Variants in IDE observed in about 807,000 individuals in gnomAD.
IDE encodes the protein insulin degrading enzyme.
In IDE, 58 loss-of-function variants were observed where a neutral mutation model predicts 133.2. The observed-to-expected ratio is 0.44, with a 90% CI of 0.35 to 0.54. The LOEUF (loss-of-function observed/expected upper bound fraction) is 0.54. IDE is among the 20% of genes least tolerant of loss of function. IDE has a pLI of 0.00. For missense variants in IDE, 981 were observed against 1,234.0 expected (o/e 0.79, Z 3.07); for synonymous variants, 396 against 421.3 (o/e 0.94, Z 0.73).
chr10:92,461,323 A>G (rs1056592053), intron 21 of IDE, 71 bp from the exon 22 acceptor site: 1 of 740,374 alleles, frequency 1.4e-6, no homozygotes, highest in Non-Finnish European at 2.4e-6. Flanking sequence ...ACACTAAATG[A>G]CAATATACTT....
intron 20 of IDE, among the ~76,000 whole-genome samples, chr10:92,464,438 A>C (rs936323671): frequency 2.6e-5 from 4 of 152,166 alleles, no homozygotes; most frequent in African/African-American, 7.2e-5. Context: ...TTGTTAGATA[A>C]TCCATTCCTG....
intron 1 of IDE, among the ~76,000 whole-genome samples, chr10:92,561,504 C>T (rs1238551874): frequency 6.6e-6 from 1 of 151,228 alleles, no homozygotes; most frequent in Non-Finnish European, 1.5e-5. Flanking sequence ...GTAATCCCAG[C>T]CCTTTGGGAG....
intron 1 of IDE, among the ~76,000 whole-genome samples, chr10:92,539,209 CCT>C (rs1189111955): frequency 6.6e-6 from 1 of 151,486 alleles, no homozygotes; most frequent in Non-Finnish European, 1.5e-5. Flanking sequence ...TTTCTCTCGC[CCT>C]CTCTTACAGT....
chr10:92,553,378 T>G (rs186207419), intron 1 of IDE, among the ~76,000 whole-genome samples: 1,935 of 150,688 alleles, frequency 0.013, 48 homozygotes, highest in African/African-American at 0.044. Context: ...GAGCCAAGAC[T>G]ATGCCACTGC....
At chr10:92,534,833 G>T in intron 2 of IDE, 48 bp from the exon 3 acceptor site, 1 of 1,398,898 alleles carries the variant, frequency 7.1e-7, no homozygotes, top group Non-Finnish European at 1.0e-6. Flanking sequence ...TATGCTGAAA[G>T]TTAGTAAGTA....
chr10:92,475,839 G>T, intron 16 of IDE, 45 bp downstream of exon 16: 3 of 686,746 alleles, frequency 4.4e-6, no homozygotes, highest in Admixed American at 3.0e-5. Context: ...TTATAATATA[G>T]CAATATTATC....
At chr10:92,471,249 G>C (rs755177687) in intron 17 of IDE, among the ~76,000 whole-genome samples, 3 of 151,878 alleles carry the variant, frequency 2.0e-5, no homozygotes, top group Non-Finnish European at 2.9e-5. Flanking sequence ...TCTCCATTAG[G>C]ACACCATAGT....
At chr10:92,573,117 C>A in intron 1 of IDE, 1 of 985,400 alleles carries the variant, frequency 1.0e-6, no homozygotes, top group Non-Finnish European at 1.2e-6. Context: ...TTCTTCCATT[C>A]GTAGTAAAAA....
chr10:92,525,878 T>C (rs1849599222), intron 4 of IDE, among the ~76,000 whole-genome samples: 1 of 151,694 alleles, frequency 6.6e-6, no homozygotes, highest in Admixed American at 6.6e-5. Flanking sequence ...GATCTCAGGC[T>C]GGGCGCAGTG....
intron 1 of IDE, among the ~76,000 whole-genome samples, chr10:92,564,712 T>TAAAAAAAAA (rs1843445355): frequency 3.4e-5 from 2 of 59,044 alleles, no homozygotes; most frequent in Admixed American, 1.8e-4. Context: ...AAAAAAAAAC[T>TAAAAAAAAA]GAAACTGTAC....
chr10:92,510,645 T>C (rs1393731826), intron 5 of IDE, among the ~76,000 whole-genome samples: 1 of 151,394 alleles, frequency 6.6e-6, no homozygotes, highest in African/African-American at 2.4e-5. Flanking sequence ...ATATATCACA[T>C]ATATGATATA....
chr10:92,531,919 TA>T lies in IDE; in HGVS notation c.492-3del. 2 of 1,523,918 alleles carry T rather than the reference TA, an allele frequency of 1.3e-6. No individual in the cohort carries two copies. The allele number at this position is 1,523,918 out of a possible 1,614,324, so 94.4% of individuals were successfully genotyped here. A position where few individuals can be genotyped will look rare whatever the true frequency, so the allele number is the denominator to read the frequency against. On this transcript the variant is annotated splice_region_variant and splice_polypyrimidine_tract_variant and intron_variant, in intron 3 of 24. Coordinates refer to ENST00000265986, the MANE Select transcript of IDE (RefSeq NM_004969.4). ...GGGCACAGAAAAAACTGTGCAAACC[TA>T]AGGGTACGAAACATAATTAAAACTT...
chr10:92,526,876 G>A (rs1197867805), intron 4 of IDE, among the ~76,000 whole-genome samples: 2 of 150,746 alleles, frequency 1.3e-5, no homozygotes, highest in African/African-American at 4.9e-5. Flanking sequence ...AAAAGGACAG[G>A]GTCTCACTAT....
intron 1 of IDE, chr10:92,554,691 T>C (rs1024884332): frequency 2.6e-5 from 4 of 151,546 alleles, no homozygotes; most frequent in African/African-American, 9.7e-5. Flanking sequence ...CTACTAAAAA[T>C]ACAAAATTAG....
intron 4 of IDE, among the ~76,000 whole-genome samples, chr10:92,524,050 G>C (rs1341873474): frequency 6.6e-6 from 1 of 151,642 alleles, no homozygotes; most frequent in Non-Finnish European, 1.5e-5. Context: ...ATGGTTTCTA[G>C]TTTATCAGGA....
chr10:92,514,680 G>C (rs1848808084), intron 5 of IDE, among the ~76,000 whole-genome samples: 1 of 152,040 alleles, frequency 6.6e-6, no homozygotes, highest in Non-Finnish European at 1.5e-5. Context: ...TATATGCTTA[G>C]AGCACCTATT....
chr10:92,466,364 T>C (rs2135352950), intron 19 of IDE, among the ~76,000 whole-genome samples: 1 of 152,166 alleles, frequency 6.6e-6, no homozygotes, highest in Admixed American at 6.5e-5. Context: ...TCACCCAGGC[T>C]GGAGTGAAGT....
chr10:92,494,296 G>A (rs1263311633), intron 11 of IDE, among the ~76,000 whole-genome samples: 1 of 146,094 alleles, frequency 6.8e-6, no homozygotes, highest in African/African-American at 2.5e-5. Flanking sequence ...TCAAACTCCT[G>A]AGCTCAAACA....
At chr10:92,543,855 T>C (rs1376554712) in intron 1 of IDE, among the ~76,000 whole-genome samples, 1 of 151,874 alleles carries the variant, frequency 6.6e-6, no homozygotes, top group African/African-American at 2.4e-5. Flanking sequence ...CAGAGGTAAC[T>C]ATAGAAAGTT....
Sources: allele counts gnomAD v4.1 joint callset (sites outside exome capture counted in the v4.1 genomes callset), GRCh38; gene constraint gnomAD v4.1.1; transcripts MANE v1.5; gene names NCBI Gene and HGNC (gene_info 2026-07-23, HGNC 2026-07-21).